The following EDIL3 variants were observed in gnomAD, a reference collection of about 807,000 sequenced individuals.
EDIL3 encodes the protein EGF-like repeat and discoidin I-like domain-containing protein 3.
Under a neutral mutation model 67.4 loss-of-function variants are expected in EDIL3, and 37 were observed. The ratio of observed to expected loss-of-function variants is 0.55; its 90% CI spans 0.42 to 0.72. The LOEUF (loss-of-function observed/expected upper bound fraction) is 0.72. EDIL3 is among the 30% of genes least tolerant of loss of function. The probability of loss-of-function intolerance (pLI) is 0.00; values close to 1 mark genes in which losing one functional copy is unlikely to be tolerated. For missense variants in EDIL3, 527 were observed against 586.3 expected, an observed-to-expected ratio of 0.90 and a Z score of 1.04; for synonymous variants, 195 against 196.3, an observed-to-expected ratio of 0.99 and a Z score of 0.05.
chr5:84,107,906 C>T (rs1056143712), intron 5 of EDIL3, among the ~76,000 whole-genome samples: 2 of 150,768 alleles, frequency 1.3e-5, no homozygotes, highest in African/African-American at 4.8e-5. Context: ...ATTTCATATA[C>T]TATACTGAAT....
At chr5:84,033,965 T>C (rs1183014476) in intron 9 of EDIL3, among the ~76,000 whole-genome samples, 1 of 152,122 alleles carries the variant, frequency 6.6e-6, no homozygotes, top group Non-Finnish European at 1.5e-5. Flanking sequence ...CCAGTGGCTG[T>C]GATCAATCCA....
At chr5:84,128,873 A>C (rs568062369) in intron 5 of EDIL3, among the ~76,000 whole-genome samples, 20 of 152,236 alleles carry the variant, frequency 1.3e-4, no homozygotes. Context: ...AGTTTAGCAC[A>C]TAAGGGGAAT....
At chr5:84,211,989 T>C (rs1290214999) in intron 3 of EDIL3, among the ~76,000 whole-genome samples, 1 of 152,184 alleles carries the variant, frequency 6.6e-6, no homozygotes, top group African/African-American at 2.4e-5. Flanking sequence ...TTTTGTATAA[T>C]TGAAACTGCT....
At chr5:84,340,503 ACTCTCTCTCT>A (rs1170972212) in intron 1 of EDIL3, among the ~76,000 whole-genome samples, 18 of 38,696 alleles carry the variant, frequency 4.7e-4, no homozygotes, top group African/African-American at 1.8e-3. Flanking sequence ...AGGGAAGATT[ACTCTCTCTCT>A]CTCTCTCTCT....
At chr5:84,006,126 A>C (rs1385314960) in intron 9 of EDIL3, among the ~76,000 whole-genome samples, 1 of 148,166 alleles carries the variant, frequency 6.7e-6, no homozygotes, top group Non-Finnish European at 1.5e-5. Flanking sequence ...ATATCTAGGA[A>C]TAAGGGAGGT....
intron 3 of EDIL3, among the ~76,000 whole-genome samples, chr5:84,204,161 G>T (rs1216424098): frequency 6.6e-6 from 1 of 152,014 alleles, no homozygotes; most frequent in Non-Finnish European, 1.5e-5. Context: ...AACATAATAA[G>T]AATTAATTCA....
chr5:84,324,481 C>T (rs1279317634), intron 1 of EDIL3, among the ~76,000 whole-genome samples: 2 of 151,698 alleles, frequency 1.3e-5, no homozygotes, highest in Non-Finnish European at 3.0e-5. Context: ...CTCCAATCAG[C>T]AACCTGATTT....
intron 4 of EDIL3, among the ~76,000 whole-genome samples, chr5:84,145,166 T>G (rs1268719657): frequency 1.3e-5 from 2 of 152,178 alleles, no homozygotes; most frequent in Non-Finnish European, 2.9e-5. Context: ...TAGAGCATTA[T>G]GTACAAAATG....
intron 1 of EDIL3, among the ~76,000 whole-genome samples, chr5:84,339,679 G>C (rs1287149261): frequency 6.6e-6 from 1 of 151,820 alleles, no homozygotes; most frequent in Non-Finnish European, 1.5e-5. Context: ...ACATGTTACT[G>C]TCTGATATAC....
At chr5:83,993,461 A>C (rs186532387) in intron 9 of EDIL3, among the ~76,000 whole-genome samples, 57 of 152,352 alleles carry the variant, frequency 3.7e-4, no homozygotes, top group Non-Finnish European at 1.5e-4. Context: ...AGTATTTGAC[A>C]AAGTGATATT....
At chr5:84,343,971 T>A (rs1580090343) in intron 1 of EDIL3, among the ~76,000 whole-genome samples, 1 of 152,214 alleles carries the variant, frequency 6.6e-6, no homozygotes, top group South Asian at 2.1e-4. Flanking sequence ...ACTGTTATAT[T>A]TTTAATATCT....
intron 1 of EDIL3, among the ~76,000 whole-genome samples, chr5:84,380,831 G>A (rs1397785178): frequency 1.3e-5 from 2 of 151,946 alleles, no homozygotes; most frequent in African/African-American, 2.4e-5. Context: ...GAGTGACCAT[G>A]CTACTTTATT....
chr5:83,981,145 A>C (rs1243731049), intron 9 of EDIL3, among the ~76,000 whole-genome samples: 1 of 152,072 alleles, frequency 6.6e-6, no homozygotes, highest in Non-Finnish European at 1.5e-5. Context: ...CTGATCCTGA[A>C]ATTCATATGG....
intron 6 of EDIL3, among the ~76,000 whole-genome samples, chr5:84,101,462 GA>G: frequency 6.6e-6 from 1 of 152,058 alleles, no homozygotes; most frequent in Non-Finnish European, 1.5e-5. Flanking sequence ...TAATAAAGGA[GA>G]AAAGGGAGAA....
chr5:83,997,101 A>G (rs550435274), intron 9 of EDIL3, among the ~76,000 whole-genome samples: 10 of 152,324 alleles, frequency 6.6e-5, no homozygotes, highest in African/African-American at 9.6e-5. Context: ...GCAGAAGAAC[A>G]GGGTTTAATG....
At chr5:84,042,321 G>A (rs1445998507) in intron 9 of EDIL3, among the ~76,000 whole-genome samples, 5 of 150,206 alleles carry the variant, frequency 3.3e-5, no homozygotes, top group South Asian at 2.1e-4. Context: ...CTTATTTGTC[G>A]CCCAGGCTTC....
At position 84,384,501 on chromosome 5, in the gene EDIL3, T is replaced by C. The variant is rs1198508934; in HGVS notation, c.-127A>G. 1.2e-6 allele frequency: 1 copy of C among 852,324 alleles called. No homozygotes were observed. Among genetic ancestry groups the C allele is most frequent in the Non-Finnish European group, 1.8e-6 (1 of 545,164 alleles). The allele number at this position is 852,324 out of a possible 1,614,324, so 52.8% of individuals were successfully genotyped here. On this transcript the variant is annotated 5_prime_UTR_variant, in exon 1 of 11. Coordinates refer to ENST00000296591, the MANE Select transcript of EDIL3 (RefSeq NM_005711.5). ...AAAGAATTCAAGAAGACGTTCTCTT[T>C]CCTCAGCGCTTTGTTAAACAAATTC...
At chr5:84,135,541 C>A (rs1165241557) in intron 5 of EDIL3, among the ~76,000 whole-genome samples, 1 of 152,198 alleles carries the variant, frequency 6.6e-6, no homozygotes. Context: ...CCAGTGTTGA[C>A]TGAGCAGCCA....
At chr5:84,176,143 T>C (rs1186269198) in intron 4 of EDIL3, among the ~76,000 whole-genome samples, 1 of 140,176 alleles carries the variant, frequency 7.1e-6, no homozygotes, top group Non-Finnish European at 1.5e-5. Context: ...GGGAAGTTTT[T>C]GATTGTTTTT....
Sources: allele counts gnomAD v4.1 joint callset (sites outside exome capture counted in the v4.1 genomes callset), GRCh38; gene constraint gnomAD v4.1.1; transcripts MANE v1.5; gene names NCBI Gene and HGNC (gene_info 2026-07-23, HGNC 2026-07-21).